The following GOT1 variants were observed in gnomAD, a reference collection of about 807,000 sequenced individuals.
GOT1 encodes the protein glutamic-oxaloacetic transaminase 1.
A neutral mutation model predicts 48.2 loss-of-function variants in GOT1; 25 were observed. That is an observed-to-expected ratio of 0.52 (90% CI 0.38 to 0.72). The LOEUF is 0.72. Among genes scored for constraint, GOT1 ranks in the 30% least tolerant of loss-of-function variants. GOT1 has a pLI of 0.00. For synonymous variants in GOT1, 188 were observed against 193.8 expected (o/e 0.97, Z 0.25); for missense variants, 380 against 520.1 (o/e 0.73, Z 2.62).
At chr10:99,398,236 T>G (rs1376065690) in intron 8 of GOT1, among the ~76,000 whole-genome samples, 1 of 152,246 alleles carries the variant, frequency 6.6e-6, no homozygotes, top group East Asian at 1.9e-4. Context: ...TCTGTTCATT[T>G]CTCAGCTTTC....
intron 5 of GOT1, among the ~76,000 whole-genome samples, chr10:99,404,475 T>G (rs2032728114): frequency 6.6e-6 from 1 of 152,070 alleles, no homozygotes. Flanking sequence ...CTGCAGCTCA[T>G]CCCCCACATC....
chr10:99,411,366 TC>T (rs1189915309), intron 2 of GOT1, among the ~76,000 whole-genome samples: 2 of 152,210 alleles, frequency 1.3e-5, no homozygotes, highest in East Asian at 3.9e-4. Flanking sequence ...CAGTGAGGAG[TC>T]TAGAAAATAG....
intron 8 of GOT1, among the ~76,000 whole-genome samples, chr10:99,398,015 C>T (rs1045117764): frequency 6.6e-6 from 1 of 152,208 alleles, no homozygotes; most frequent in African/African-American, 2.4e-5. Flanking sequence ...ATCAGACGGA[C>T]AGCGATATGA....
chr10:99,425,236 T>G (rs2033022983), intron 1 of GOT1, among the ~76,000 whole-genome samples: 1 of 152,230 alleles, frequency 6.6e-6, no homozygotes, highest in Non-Finnish European at 1.5e-5. Context: ...CCCAGAGGCC[T>G]GGGGAGCATG....
chr10:99,398,746 G>A (rs1295550103), intron 8 of GOT1, among the ~76,000 whole-genome samples: 1 of 152,126 alleles, frequency 6.6e-6, no homozygotes, highest in Non-Finnish European at 1.5e-5. Flanking sequence ...TGAGGAAATG[G>A]AATAATAATA....
intron 1 of GOT1, among the ~76,000 whole-genome samples, chr10:99,428,013 GT>G (rs1289201944): frequency 6.6e-6 from 1 of 152,226 alleles, no homozygotes; most frequent in Non-Finnish European, 1.5e-5. Flanking sequence ...CACAGCTGAG[GT>G]GGCCGTCTGA....
At chr10:99,415,338 C>T (rs1273258084) in intron 2 of GOT1, among the ~76,000 whole-genome samples, 1 of 152,192 alleles carries the variant, frequency 6.6e-6, no homozygotes, top group Non-Finnish European at 1.5e-5. Context: ...ACTAGAAAAT[C>T]TAGAAGAAAT....
At position 99,406,713 on chromosome 10, in the gene GOT1, C is replaced by G. The variant is rs745640250; in HGVS notation, c.424+13G>C. ...GTTTCTGTTTTTCCTCTCACTTCAG[C>G]TGAAAGACTCACCCCAGGTTGGTGA... On this transcript the variant is annotated intron_variant, in intron 3 of 8. Coordinates refer to ENST00000370508, the MANE Select transcript of GOT1 (RefSeq NM_002079.3). The G allele has an allele frequency of 6.2e-7, 1 of 1,611,414 alleles. No individual in the cohort carries two copies. Among genetic ancestry groups the G allele is most frequent in the South Asian group, 1.1e-5 (1 of 90,986 alleles).
intron 8 of GOT1, 37 bp downstream of exon 8, chr10:99,402,543 A>G (rs2032694849): frequency 6.2e-7 from 1 of 1,610,990 alleles, no homozygotes; most frequent in Admixed American, 1.7e-5. Flanking sequence ...GTGTGTCTAC[A>G]TGCACGCATG....
chr10:99,400,660 G>T (rs1415846435), intron 8 of GOT1, among the ~76,000 whole-genome samples: 1 of 152,126 alleles, frequency 6.6e-6, no homozygotes, highest in African/African-American at 2.4e-5. Flanking sequence ...AACAAAAAAG[G>T]CCAGGCACAG....
chr10:99,425,052 G>T (rs970643873), intron 1 of GOT1, among the ~76,000 whole-genome samples: 1 of 152,220 alleles, frequency 6.6e-6, no homozygotes, highest in African/African-American at 2.4e-5. Flanking sequence ...TATAGAGATT[G>T]ATAAAATAAG....
At chr10:99,417,915 G>A (rs150163334) in intron 2 of GOT1, among the ~76,000 whole-genome samples, 29 of 152,162 alleles carry the variant, frequency 1.9e-4, no homozygotes, top group African/African-American at 4.3e-4. Context: ...GTGCGGAGAG[G>A]GGGGAAGGAT....
chr10:99,406,391 A>AAAAG, intron 3 of GOT1, 142 bp from the exon 4 acceptor site: 1 of 658,308 alleles, frequency 1.5e-6, no homozygotes, highest in Non-Finnish European at 2.7e-6. Flanking sequence ...ATGTAGAGGA[A>AAAAG]TGATTGTAAC....
intron 2 of GOT1, among the ~76,000 whole-genome samples, chr10:99,411,815 C>T (rs781087320): frequency 6.6e-6 from 1 of 152,160 alleles, no homozygotes; most frequent in East Asian, 1.9e-4. Flanking sequence ...ACCTTTGGAA[C>T]CTGAGGTACC....
chr10:99,418,418 A>G (rs2032925066), intron 2 of GOT1, among the ~76,000 whole-genome samples: 1 of 151,822 alleles, frequency 6.6e-6, no homozygotes. Context: ...CTCTGTTTTC[A>G]TTTGTCAGCA....
At chr10:99,428,479 T>A (rs2134112378) in intron 1 of GOT1, among the ~76,000 whole-genome samples, 1 of 152,212 alleles carries the variant, frequency 6.6e-6, no homozygotes, top group African/African-American at 2.4e-5. Context: ...TGCTTCAGCC[T>A]CCCAAGTAGC....
rs1272399275 is a variant in GOT1 at position 99,406,730 on chromosome 10, G to C, written c.420C>G (p.Thr140=). ...CACTTCAGCTGAAAGACTCACCCCAGGTTGGTGAGGACACATAGACAGGTG... is the reference window on the plus strand; with the variant it reads ...CACTTCAGCTGAAAGACTCACCCCACGTTGGTGAGGACACATAGACAGGTG... ...KNTPVYVSSP[T]WENHNAVFSA... is the part of the protein sequence containing the mutation. Residue 140 remains threonine (T), a synonymous_variant, in exon 3 of 9, where the codon ACC becomes ACG. Transcript: ENST00000370508. 2 of 1,613,238 alleles carry C rather than the reference G, an allele frequency of 1.2e-6. No homozygotes were observed. Among genetic ancestry groups the C allele is most frequent in the Non-Finnish European group, 1.7e-6 (2 of 1,179,300 alleles).
chr10:99,405,938 G>A (rs2032749500), intron 4 of GOT1, 78 bp from the exon 5 acceptor site: 1 of 887,040 alleles, frequency 1.1e-6, no homozygotes, highest in Admixed American at 1.7e-5. Flanking sequence ...ATTGGTCAGT[G>A]ATGGAGGGCA....
At chr10:99,403,344 A>C in intron 7 of GOT1, 125 bp downstream of exon 7, 1 of 777,272 alleles carries the variant, frequency 1.3e-6, no homozygotes, top group Non-Finnish European at 2.1e-6. Flanking sequence ...CTGAGAGTCA[A>C]AGAAGTTAAA....
Sources: allele counts gnomAD v4.1 joint callset (sites outside exome capture counted in the v4.1 genomes callset), GRCh38; gene constraint gnomAD v4.1.1; transcripts MANE v1.5; gene names NCBI Gene and HGNC (gene_info 2026-07-23, HGNC 2026-07-21).